The following ZMYND8 variants were observed in gnomAD, a reference collection of about 807,000 sequenced individuals.
ZMYND8 encodes the protein MYND-type zinc finger-containing chromatin reader ZMYND8.
Under a neutral mutation model 140.8 loss-of-function variants are expected in ZMYND8, and 37 were observed. The ratio of observed to expected loss-of-function variants is 0.26; its 90% CI spans 0.20 to 0.35. The LOEUF (loss-of-function observed/expected upper bound fraction) is 0.35, where lower values mean the gene tolerates loss of function less well. Ranked by LOEUF, ZMYND8 falls within the 10% of genes least tolerant of loss-of-function variation. The pLI is 1.00. For synonymous variants in ZMYND8, 592 were observed against 597.1 expected, an observed-to-expected ratio of 0.99 and a Z score of 0.12; for missense variants, 1,068 against 1,570.0, an observed-to-expected ratio of 0.68 and a Z score of 5.40.
intron 2 of ZMYND8, among the ~76,000 whole-genome samples, chr20:47,339,909 G>T (rs962315976): frequency 2.1e-4 from 32 of 151,928 alleles, no homozygotes; most frequent in Non-Finnish European, 3.2e-4. Flanking sequence ...AAGGGGGCAA[G>T]ACAGAACCAG....
rs1042955111 is a variant in ZMYND8 at position 47,298,311 on chromosome 20, C to T, written c.453+418G>A. ...CCACTACAGGGAACATGCAACCAAA[C>T]GTGGTCTTCTCAGCTTGGCTACTGC... On this transcript the variant is annotated intron_variant, in intron 4 of 22. Coordinates refer to ENST00000471951, the MANE Select transcript of ZMYND8 (RefSeq NM_001281775.3). This position sits in a 1 kb window ranked among gnomAD's most constrained non-coding sequence, Gnocchi z 5.0. 10 of 985,284 alleles carry T rather than the reference C, an allele frequency of 1.0e-5. No homozygotes were observed. Among genetic ancestry groups the T allele is most frequent in the African/African-American group, 7.0e-5 (4 of 57,230 alleles). The allele number at this position is 985,284 out of a possible 1,614,324, so 61.0% of individuals were successfully genotyped here.
chr20:47,238,057 G>C (rs1327778001), intron 15 of ZMYND8: 2 of 152,244 alleles, frequency 1.3e-5, no homozygotes, highest in Non-Finnish European at 2.9e-5. Context: ...AACTCCAAGA[G>C]GTTCCCTCAT....
chr20:47,322,598 A>G (rs938007179), intron 2 of ZMYND8, among the ~76,000 whole-genome samples: 2 of 151,048 alleles, frequency 1.3e-5, no homozygotes, highest in Non-Finnish European at 3.0e-5. Context: ...GTACCACCAC[A>G]CCCATTTTCA....
chr20:47,322,458 TC>T (rs1206439524), intron 2 of ZMYND8, among the ~76,000 whole-genome samples: 159 of 149,932 alleles, frequency 1.1e-3, no homozygotes, highest in Non-Finnish European at 1.9e-3. Flanking sequence ...TTTTTTTTTT[TC>T]AGCACAGAAT....
intron 2 of ZMYND8, among the ~76,000 whole-genome samples, chr20:47,338,447 A>T (rs939714903): frequency 3.9e-5 from 6 of 151,906 alleles, no homozygotes; most frequent in African/African-American, 1.5e-4. Context: ...AAACATGTTC[A>T]CTGAGCCTGG....
chr20:47,356,390 C>T (rs769726751), intron 1 of ZMYND8: 1 of 1,519,920 alleles, frequency 6.6e-7, no homozygotes, highest in South Asian at 1.2e-5. Context: ...CAGGATCTAG[C>T]TTCAAACTCT....
intron 3 of ZMYND8, among the ~76,000 whole-genome samples, chr20:47,299,161 G>A (rs1307679302): frequency 6.6e-6 from 1 of 152,228 alleles, no homozygotes; most frequent in Admixed American, 6.5e-5. Flanking sequence ...AAGAGGCCAC[G>A]ATTAAAAGCT....
chr20:47,352,658 CT>C, intron 1 of ZMYND8: 1 of 528,904 alleles, frequency 1.9e-6, no homozygotes, highest in Non-Finnish European at 2.4e-6. Flanking sequence ...AAGGTGACTG[CT>C]TTTTAGCTCC....
At chr20:47,294,411 C>G (rs1416578577) in intron 5 of ZMYND8, among the ~76,000 whole-genome samples, 2 of 152,024 alleles carry the variant, frequency 1.3e-5, no homozygotes, top group East Asian at 3.9e-4. Context: ...TACTCAGTCT[C>G]AGGTAATATC....
intron 2 of ZMYND8, among the ~76,000 whole-genome samples, chr20:47,341,887 C>A (rs930903520): frequency 6.6e-6 from 1 of 152,116 alleles, no homozygotes; most frequent in Non-Finnish European, 1.5e-5. Flanking sequence ...CCTGTAATCC[C>A]AGCTACTTGG....
At chr20:47,312,309 CA>C (rs1320803526) in intron 2 of ZMYND8, among the ~76,000 whole-genome samples, 2 of 152,316 alleles carry the variant, frequency 1.3e-5, no homozygotes, top group Non-Finnish European at 1.5e-5. Flanking sequence ...CAAAGGAAGA[CA>C]ATGAACACTT....
intron 11 of ZMYND8, among the ~76,000 whole-genome samples, chr20:47,266,891 A>G (rs1229073632): frequency 6.6e-6 from 1 of 152,178 alleles, no homozygotes; most frequent in African/African-American, 2.4e-5. Context: ...ATTTCATGAA[A>G]GTTCACTCTT....
At chr20:47,211,008 T>A (rs1048255552) in intron 22 of ZMYND8, 111 bp from the exon 23 acceptor site, 2 of 1,464,284 alleles carry the variant, frequency 1.4e-6, no homozygotes, top group African/African-American at 1.4e-5. Flanking sequence ...CCCCTCCCAA[T>A]TGATGGTTCA....
chr20:47,251,204 C>T (rs935262120), intron 12 of ZMYND8, among the ~76,000 whole-genome samples: 1 of 152,064 alleles, frequency 6.6e-6, no homozygotes, highest in Non-Finnish European at 1.5e-5. Context: ...TGTGTGTGTG[C>T]ACACTTATCA....
chr20:47,346,182 C>T (rs1569249252), intron 2 of ZMYND8, among the ~76,000 whole-genome samples: 1 of 152,156 alleles, frequency 6.6e-6, no homozygotes, highest in Non-Finnish European at 1.5e-5. Flanking sequence ...TCCTGGCCCC[C>T]TCTCTTCAGT....
intron 2 of ZMYND8, among the ~76,000 whole-genome samples, chr20:47,341,924 A>G (rs1004934650): frequency 8.6e-5 from 13 of 151,852 alleles, no homozygotes; most frequent in South Asian, 8.3e-4. Context: ...AATGGCGTGA[A>G]CCCGGGAGGC....
intron 3 of ZMYND8, among the ~76,000 whole-genome samples, chr20:47,299,215 G>T (rs1372419503): frequency 6.6e-6 from 1 of 152,194 alleles, no homozygotes; most frequent in Non-Finnish European, 1.5e-5. Context: ...ATGGCACATT[G>T]CCTATAACCC....
At chr20:47,286,609 A>C (rs1322991700) in intron 8 of ZMYND8, among the ~76,000 whole-genome samples, 1 of 152,204 alleles carries the variant, frequency 6.6e-6, no homozygotes, top group African/African-American at 2.4e-5. Context: ...AATGAATGGG[A>C]GCACACTGAC....
chr20:47,348,352 A>T (rs2082500565), intron 1 of ZMYND8: 1 of 192,868 alleles, frequency 5.2e-6, no homozygotes, highest in Non-Finnish European at 1.1e-5. Context: ...GGCAAAGAGT[A>T]AGATTTCCCA....
Sources: gnomAD v4.1 joint callset for allele counts (sites outside exome capture counted in the v4.1 genomes callset) on GRCh38, gnomAD v4.1.1 for gene constraint, Gnocchi (gnomAD v3.1) non-coding constraint, MANE v1.5 for transcripts, NCBI Gene and HGNC (gene_info 2026-07-23, HGNC 2026-07-21) for gene names.